The following CNTNAP2 variants were observed in gnomAD, a reference collection of about 807,000 sequenced individuals.
The protein encoded by CNTNAP2 is contactin associated protein 2.
CNTNAP2 carries 98 observed loss-of-function variants against 155.2 expected under a neutral mutation model. The observed-to-expected ratio is 0.63, with a 90% CI of 0.54 to 0.75. CNTNAP2 has a LOEUF of 0.75. Ranked by LOEUF, CNTNAP2 falls within the 30% of genes least tolerant of loss-of-function variation. CNTNAP2 has a pLI of 0.00. For missense variants in CNTNAP2, 1,727 were observed against 1,688.1 expected, an observed-to-expected ratio of 1.02 and a Z score of -0.40; for synonymous variants, 651 against 631.2, an observed-to-expected ratio of 1.03 and a Z score of -0.47.
At chr7:148,135,245 A>G (rs1320131660) in intron 16 of CNTNAP2, among the ~76,000 whole-genome samples, 1 of 152,198 alleles carries the variant, frequency 6.6e-6, no homozygotes, top group East Asian at 1.9e-4. Flanking sequence ...GGTTTGTTAT[A>G]TTACCATTAG....
intron 2 of CNTNAP2, among the ~76,000 whole-genome samples, chr7:146,812,286 C>T (rs1045779694): frequency 3.9e-5 from 6 of 151,916 alleles, no homozygotes; most frequent in Middle Eastern, 3.4e-3. Flanking sequence ...ATGAGGAACT[C>T]GCTGGGAACT....
At position 146,572,326 on chromosome 7, in the gene CNTNAP2, C is replaced by T. The variant is rs376185286; in HGVS notation, c.98-201945C>T. Among the ~76,000 whole-genome samples, 26 of 149,548 alleles carry T rather than the reference C, an allele frequency of 1.7e-4. No homozygotes were observed. The South Asian group carries it at 4.9e-3, about 28-fold the overall frequency. ...TCCAAGGAAAGGACATTGAAAATCCCTGGGAAAGAAAGCAATGCCTCCTGA... is the reference window on the plus strand; with the variant it reads ...TCCAAGGAAAGGACATTGAAAATCCTTGGGAAAGAAAGCAATGCCTCCTGA... On this transcript the variant is annotated intron_variant, in intron 1 of 23. Transcript: ENST00000361727.
intron 4 of CNTNAP2, among the ~76,000 whole-genome samples, chr7:147,047,140 G>A (rs1372053550): frequency 1.8e-5 from 2 of 112,134 alleles, no homozygotes; most frequent in South Asian, 3.0e-4. Flanking sequence ...ACGTAGTCTC[G>A]ATTTGCCACC....
intron 12 of CNTNAP2, among the ~76,000 whole-genome samples, chr7:147,622,544 G>T (rs961961645): frequency 6.6e-6 from 1 of 151,856 alleles, no homozygotes; most frequent in Non-Finnish European, 1.5e-5. Flanking sequence ...GTGGGCCAAT[G>T]AATAAATTAA....
In CNTNAP2 at chr7:147,011,241, C is replaced by T. The variant is rs1266359215; in HGVS notation, c.403-32666C>T. 1.3e-5 allele frequency among the ~76,000 whole-genome samples: 2 copies of T among 151,600 alleles called. 1 individual carries two copies. Among genetic ancestry groups the T allele is most frequent in the Non-Finnish European group, 2.9e-5 (2 of 67,946 alleles). ...CCATTTTGGACAACATCATGAAACC[C>T]CGTCTCTACTAAAAATACAAAAATT... On this transcript the variant is annotated intron_variant, in intron 3 of 23. Transcript: ENST00000361727.
At chr7:147,520,961 T>G (rs1562978221) in intron 11 of CNTNAP2, among the ~76,000 whole-genome samples, 2 of 152,252 alleles carry the variant, frequency 1.3e-5, no homozygotes, top group African/African-American at 2.4e-5. Flanking sequence ...CTGTTGCTAA[T>G]GACTAGCATG....
chr7:146,738,324 C>T (rs966073626), intron 1 of CNTNAP2, among the ~76,000 whole-genome samples: 1 of 151,602 alleles, frequency 6.6e-6, no homozygotes, highest in Non-Finnish European at 1.5e-5. Flanking sequence ...TTGAGAAATG[C>T]CTATTCAGAT....
intron 1 of CNTNAP2, among the ~76,000 whole-genome samples, chr7:146,623,234 T>C (rs1799362840): frequency 6.6e-6 from 1 of 152,182 alleles, no homozygotes; most frequent in Non-Finnish European, 1.5e-5. Context: ...ATGGTTAGAT[T>C]ATTTTTTTCA....
intron 1 of CNTNAP2, among the ~76,000 whole-genome samples, chr7:146,371,581 G>C (rs901819544): frequency 2.0e-4 from 30 of 151,402 alleles, no homozygotes; most frequent in Non-Finnish European, 4.3e-4. Context: ...GTTTCACCAT[G>C]GTCTCGATCT....
At chr7:146,275,241 CT>C (rs1286947605) in intron 1 of CNTNAP2, among the ~76,000 whole-genome samples, 8 of 152,066 alleles carry the variant, frequency 5.3e-5, no homozygotes, top group Admixed American at 6.6e-5. Context: ...ATTCATGACA[CT>C]TATTGTTTAT....
chr7:146,964,789 T>C (rs1489908568), intron 3 of CNTNAP2, among the ~76,000 whole-genome samples: 4 of 151,618 alleles, frequency 2.6e-5, no homozygotes, highest in Non-Finnish European at 5.9e-5. Context: ...TGTCTCTATA[T>C]TCAAATCTGC....
At position 148,023,091 on chromosome 7, in the gene CNTNAP2, T is replaced by A. The variant is rs566961771; in HGVS notation, c.2383+45102T>A. Among the ~76,000 whole-genome samples the A allele has an allele frequency of 5.3e-5, 8 of 152,254 alleles. No homozygotes were observed. The South Asian group carries it at 1.7e-3, about 32-fold the overall frequency. ...GCCATAATGACAATTATAAAGATGT[T>A]AGAAAGCTGAGACAAGTCATTCTGA... On this transcript the variant is annotated intron_variant, in intron 15 of 23. Transcript: ENST00000361727.
intron 1 of CNTNAP2, among the ~76,000 whole-genome samples, chr7:146,447,856 C>T (rs969503886): frequency 2.8e-5 from 4 of 142,798 alleles, no homozygotes; most frequent in Admixed American, 1.4e-4. Flanking sequence ...TATAAAAAAA[C>T]TGTGTTTAAG....
At chr7:148,120,471 C>A (rs913586857) in intron 16 of CNTNAP2, among the ~76,000 whole-genome samples, 1 of 151,896 alleles carries the variant, frequency 6.6e-6, no homozygotes, top group East Asian at 1.9e-4. Flanking sequence ...CTCGCCATGT[C>A]GGCCAGGCTG....
intron 1 of CNTNAP2, among the ~76,000 whole-genome samples, chr7:146,554,553 T>G (rs1259737841): frequency 6.6e-6 from 1 of 152,230 alleles, no homozygotes; most frequent in East Asian, 1.9e-4. Flanking sequence ...ATCTCCTCTA[T>G]TCTCTCTTAG....
chr7:147,152,031 G>A (rs760321536), intron 8 of CNTNAP2, among the ~76,000 whole-genome samples: 4 of 152,068 alleles, frequency 2.6e-5, no homozygotes, highest in Non-Finnish European at 5.9e-5. Flanking sequence ...AATGGAAAAT[G>A]GTGGAAAGCA....
At chr7:146,740,257 T>C (rs2129180882) in intron 1 of CNTNAP2, among the ~76,000 whole-genome samples, 1 of 152,036 alleles carries the variant, frequency 6.6e-6, no homozygotes, top group East Asian at 1.9e-4. Flanking sequence ...GTATTGTTTG[T>C]CTTTCATTGT....
chr7:147,789,600 A>G (rs969088347), intron 13 of CNTNAP2, among the ~76,000 whole-genome samples: 1 of 152,184 alleles, frequency 6.6e-6, no homozygotes, highest in African/African-American at 2.4e-5. Flanking sequence ...TGAAGTATGC[A>G]AAGTATTGCT....
intron 8 of CNTNAP2, among the ~76,000 whole-genome samples, chr7:147,264,186 CAAAG>C (rs1222828371): frequency 1.3e-5 from 2 of 152,010 alleles, no homozygotes; most frequent in South Asian, 2.1e-4. Flanking sequence ...AATGATTACT[CAAAG>C]AAAGATACAA....
Sources: gnomAD v4.1 joint callset for allele counts (sites outside exome capture counted in the v4.1 genomes callset) on GRCh38, gnomAD v4.1.1 for gene constraint, MANE v1.5 for transcripts, NCBI Gene and HGNC (gene_info 2026-07-23, HGNC 2026-07-21) for gene names.